Variants in BCR observed in about 807,000 individuals in gnomAD.
The protein encoded by BCR is BCR activator of RhoGEF and GTPase.
BCR carries 58 observed loss-of-function variants against 138.6 expected under a neutral mutation model. The ratio of observed to expected loss-of-function variants is 0.42; its 90% CI spans 0.34 to 0.52. The LOEUF is 0.52. Among genes scored for constraint, BCR ranks in the 20% least tolerant of loss-of-function variants. BCR has a pLI of 0.06. For missense variants in BCR, 1,599 were observed against 1,727.2 expected (o/e 0.93, Z 1.32); for synonymous variants, 786 against 730.1 (o/e 1.08, Z -1.23).
At chr22:23,293,606 C>T (rs908787982) in intron 15 of BCR, among the ~76,000 whole-genome samples, 11 of 152,116 alleles carry the variant, frequency 7.2e-5, no homozygotes, top group Admixed American at 3.9e-4. Context: ...TTTGCAGAGA[C>T]CAAGAGTGCC....
intron 1 of BCR, among the ~76,000 whole-genome samples, chr22:23,248,715 C>A (rs2073185592): frequency 1.3e-5 from 2 of 152,314 alleles, no homozygotes; most frequent in African/African-American, 4.8e-5. Context: ...CCCAGCCCCA[C>A]TCCTAGTCTG....
intron 14 of BCR, 144 bp downstream of exon 14, chr22:23,290,557 T>TTG: frequency 1.2e-6 from 1 of 834,312 alleles, no homozygotes. Context: ...TGTGGAGTGT[T>TTG]TGTGCTGGTT....
intron 1 of BCR, among the ~76,000 whole-genome samples, chr22:23,212,228 A>G (rs2072694357): frequency 6.6e-6 from 1 of 152,184 alleles, no homozygotes; most frequent in Admixed American, 6.5e-5. Context: ...GGACCCCTAC[A>G]GCCCGGAATC....
intron 2 of BCR, among the ~76,000 whole-genome samples, chr22:23,259,041 G>A (rs1166422941): frequency 6.6e-6 from 1 of 152,234 alleles, no homozygotes; most frequent in Non-Finnish European, 1.5e-5. Flanking sequence ...GCACTGAGGT[G>A]CTGCCATGGG....
At chr22:23,254,085 G>C (rs1488591288) in intron 2 of BCR, 105 bp downstream of exon 2, 1 of 1,340,298 alleles carries the variant, frequency 7.5e-7, no homozygotes, top group Admixed American at 2.7e-5. Flanking sequence ...AGCAGCCAAT[G>C]GTTTGGAAGC....
intron 19 of BCR, 114 bp downstream of exon 19, chr22:23,311,950 C>T: frequency 6.8e-7 from 1 of 1,470,914 alleles, no homozygotes. Context: ...GTCTTTTCTT[C>T]ATTTACTGTG....
intron 16 of BCR, among the ~76,000 whole-genome samples, chr22:23,301,625 C>T (rs1030928520): frequency 4.6e-5 from 7 of 152,260 alleles, no homozygotes; most frequent in Non-Finnish European, 7.3e-5. Context: ...CCCAAGTAAC[C>T]GTGCCATCTG....
intron 16 of BCR, among the ~76,000 whole-genome samples, chr22:23,299,276 G>A (rs1480157195): frequency 1.3e-5 from 2 of 152,186 alleles, no homozygotes; most frequent in Admixed American, 6.5e-5. Flanking sequence ...GAGCCACCAC[G>A]CCTAGCTCCA....
chr22:23,242,290 G>T (rs1269919529), intron 1 of BCR, among the ~76,000 whole-genome samples: 1 of 152,122 alleles, frequency 6.6e-6, no homozygotes, highest in Non-Finnish European at 1.5e-5. Context: ...GGAAGATAAG[G>T]GTTACTTTGT....
chr22:23,285,634 GT>G (rs2073702916), intron 10 of BCR, among the ~76,000 whole-genome samples: 1 of 152,106 alleles, frequency 6.6e-6, no homozygotes, highest in African/African-American at 2.4e-5. Context: ...CTGATTTTGT[GT>G]TTTCACTGGC....
At chr22:23,269,967 G>T (rs1020855066) in intron 5 of BCR, among the ~76,000 whole-genome samples, 1 of 152,106 alleles carries the variant, frequency 6.6e-6, no homozygotes, top group African/African-American at 2.4e-5. Flanking sequence ...GAGATGCAGG[G>T]AGTGGGATGG....
In BCR at chr22:23,261,516, G is replaced by A. The variant is rs767258684; in HGVS notation, c.1728G>A (p.Arg576=). ...PRVQQWSHQQ[R]VGDLFQKLAS... is the part of the protein sequence containing the mutation. ...TGCAGCAGTGGAGCCACCAGCAGCG[G>A]GTGGGCGACCTCTTCCAGAAGCTGG... The change falls in exon 4 of 23, where the codon CGG becomes CGA. Residue 576 remains arginine, a synonymous_variant. Coordinates refer to ENST00000305877, the MANE Select transcript of BCR (RefSeq NM_004327.4). 5.0e-6 allele frequency: 8 copies of A among 1,612,832 alleles called. No homozygotes were observed. Among genetic ancestry groups the A allele is most frequent in the Middle Eastern group, 1.7e-4 (1 of 5,962 alleles).
intron 14 of BCR, among the ~76,000 whole-genome samples, chr22:23,292,281 G>A (rs544643870): frequency 3.3e-5 from 5 of 152,300 alleles, no homozygotes; most frequent in South Asian, 2.1e-4. Context: ...TTTGTGGATC[G>A]ACTGAGTGAA....
chr22:23,290,516 A>C, intron 14 of BCR, 103 bp downstream of exon 14: 1 of 1,190,352 alleles, frequency 8.4e-7, no homozygotes, highest in Non-Finnish European at 1.3e-6. Context: ...GGTTGTTCAG[A>C]TGACCACGGG....
intron 1 of BCR, among the ~76,000 whole-genome samples, chr22:23,218,240 C>T (rs1235443120): frequency 6.6e-6 from 1 of 152,180 alleles, no homozygotes; most frequent in Admixed American, 6.5e-5. Flanking sequence ...GGTCTGAGCC[C>T]CCGGAGCTGG....
rs549634678 is a variant in BCR, at chr22:23,254,559, G to T, written c.1461+579G>T. The T allele has an allele frequency of 2.3e-5, 12 of 510,678 alleles. No individual in the cohort carries two copies. The African/African-American group carries it at 2.5e-4, about 11-fold the overall frequency. 31.6% of individuals were successfully genotyped at this position (510,678 alleles called of 1,614,324 possible). On this transcript the variant is annotated intron_variant, in intron 2 of 22. Coordinates refer to ENST00000305877, the MANE Select transcript of BCR (RefSeq NM_004327.4). ...CTCTGCCATGCCCTCCAAGAAAGCAGTGGACCCACGCCCCCCCTCACATGA... is the reference window on the plus strand; with the variant it reads ...CTCTGCCATGCCCTCCAAGAAAGCATTGGACCCACGCCCCCCCTCACATGA...
At chr22:23,197,982 AC>A (rs2146206580) in intron 1 of BCR, among the ~76,000 whole-genome samples, 1 of 151,986 alleles carries the variant, frequency 6.6e-6, no homozygotes, top group Non-Finnish European at 1.5e-5. Flanking sequence ...AAGAGGAAGG[AC>A]AGAAGCGTGG....
chr22:23,308,700 C>A (rs1476884874), intron 16 of BCR, among the ~76,000 whole-genome samples: 1 of 152,180 alleles, frequency 6.6e-6, no homozygotes, highest in East Asian at 1.9e-4. Context: ...GAACGTGCTC[C>A]CCATAAAACG....
chr22:23,263,930 A>G, intron 4 of BCR: 1 of 928,360 alleles, frequency 1.1e-6, no homozygotes, highest in Admixed American at 1.7e-5. Flanking sequence ...GGCACTTCTC[A>G]CCCCTGAAAA....
Sources: gnomAD v4.1 joint callset for allele counts (sites outside exome capture counted in the v4.1 genomes callset) on GRCh38, gnomAD v4.1.1 for gene constraint, MANE v1.5 for transcripts, NCBI Gene and HGNC (gene_info 2026-07-23, HGNC 2026-07-21) for gene names.